TMEM132D: variants seen among roughly 807,000 people sequenced by gnomAD.
The protein encoded by TMEM132D is transmembrane protein 132D, also known as mature OL transmembrane protein.
TMEM132D carries 21 observed loss-of-function variants against 62.3 expected under a neutral mutation model. The ratio of observed to expected loss-of-function variants is 0.34; its 90% CI spans 0.24 to 0.49. The LOEUF (loss-of-function observed/expected upper bound fraction) is 0.49. TMEM132D is among the 20% of genes least tolerant of loss of function. The pLI is 0.99. For missense variants in TMEM132D, 1,346 were observed against 1,402.8 expected (o/e 0.96, Z 0.65); for synonymous variants, 621 against 575.6 (o/e 1.08, Z -1.13).
chr12:129,099,807 TTTTTTTTTA>T (rs906956106), intron 5 of TMEM132D, among the ~76,000 whole-genome samples: 1 of 80,224 alleles, frequency 1.2e-5, no homozygotes. Flanking sequence ...ACCCACTTTA[TTTTTTTTTA>T]TTTTTTTTAT....
intron 2 of TMEM132D, among the ~76,000 whole-genome samples, chr12:129,543,308 GGATA>G (rs577178143): frequency 5.1e-5 from 7 of 136,050 alleles, no homozygotes; most frequent in African/African-American, 2.4e-4. Context: ...GTGGGTGGAT[GGATA>G]GATGGATGGA....
At chr12:129,870,644 A>G (rs1874211782) in intron 1 of TMEM132D, among the ~76,000 whole-genome samples, 1 of 152,152 alleles carries the variant, frequency 6.6e-6, no homozygotes, top group Admixed American at 6.5e-5. Flanking sequence ...AGAAAACTGT[A>G]ATCAGAAGCA....
chr12:129,353,891 G>C (rs567989374), intron 3 of TMEM132D, among the ~76,000 whole-genome samples: 1 of 151,900 alleles, frequency 6.6e-6, no homozygotes, highest in Non-Finnish European at 1.5e-5. Context: ...GGCATCTCTC[G>C]GAGGTCTAAT....
chr12:129,292,604 C>G (rs1566023753), intron 4 of TMEM132D, among the ~76,000 whole-genome samples: 2 of 152,198 alleles, frequency 1.3e-5, no homozygotes, highest in African/African-American at 4.8e-5. Context: ...TCCTCCTATC[C>G]TGCCACCTAT....
intron 1 of TMEM132D, among the ~76,000 whole-genome samples, chr12:129,877,640 G>C (rs935013831): frequency 1.3e-5 from 2 of 151,648 alleles, no homozygotes; most frequent in Non-Finnish European, 2.9e-5. Flanking sequence ...GAGAGAGAGA[G>C]AGAGAGAGAG....
At chr12:129,773,336 G>T (rs1870817951) in intron 1 of TMEM132D, among the ~76,000 whole-genome samples, 1 of 152,182 alleles carries the variant, frequency 6.6e-6, no homozygotes, top group Admixed American at 6.5e-5. Flanking sequence ...CAGCTTAATT[G>T]TGGAGGCTGC....
rs572406925 is a variant in TMEM132D at position 129,147,250 on chromosome 12, G to GTA, written c.1443+62268_1443+62269dup. Reference sequence around the variant, plus strand: ...TGTATGTATATATACATATGTTTATGTATATATACATATGTGCATATGTAT... The same window carrying GTA: ...TGTATGTATATATACATATGTTTATGTATATATATACATATGTGCATATGTAT... On this transcript the variant is annotated intron_variant, in intron 5 of 8. Coordinates refer to ENST00000422113, the MANE Select transcript of TMEM132D (RefSeq NM_133448.3). Among the ~76,000 whole-genome samples the GTA allele has an allele frequency of 4.2e-3, 613 of 147,530 alleles. 5 individuals carry two copies. The highest frequency in any genetic ancestry group is 0.014 in the African/African-American group (574 of 40,406).
chr12:129,868,239 C>A (rs373861742), intron 1 of TMEM132D, among the ~76,000 whole-genome samples: 1 of 151,546 alleles, frequency 6.6e-6, no homozygotes, highest in Non-Finnish European at 1.5e-5. Context: ...CATGAGGCAG[C>A]GTTTCTAGGG....
At chr12:129,406,561 A>G (rs769774358) in intron 3 of TMEM132D, among the ~76,000 whole-genome samples, 144 of 151,826 alleles carry the variant, frequency 9.5e-4, no homozygotes, top group Non-Finnish European at 1.6e-3. Context: ...CGGAGGTTGC[A>G]GTGAGCCAAG....
At chr12:129,262,255 T>C (rs540391760) in intron 4 of TMEM132D, 1 of 152,366 alleles carries the variant, frequency 6.6e-6, no homozygotes, top group South Asian at 2.1e-4. Context: ...TTTGAAAATA[T>C]TAGTGCACAG....
At chr12:129,641,819 C>T (rs1047664382) in intron 2 of TMEM132D, among the ~76,000 whole-genome samples, 12 of 152,130 alleles carry the variant, frequency 7.9e-5, no homozygotes, top group Non-Finnish European at 1.8e-4. Context: ...TTGGAAGGTG[C>T]TTTTCCTTTC....
chr12:129,539,286 C>T (rs899327821), intron 2 of TMEM132D, among the ~76,000 whole-genome samples: 1 of 150,706 alleles, frequency 6.6e-6, no homozygotes, highest in Non-Finnish European at 1.5e-5. Context: ...GGCTGGAGTG[C>T]AGTGGCACGA....
At chr12:129,548,771 T>C (rs1237050581) in intron 2 of TMEM132D, among the ~76,000 whole-genome samples, 1 of 152,206 alleles carries the variant, frequency 6.6e-6, no homozygotes, top group African/African-American at 2.4e-5. Flanking sequence ...ATGGATGTGT[T>C]GGACTGGCCA....
intron 2 of TMEM132D, among the ~76,000 whole-genome samples, chr12:129,620,816 C>CT (rs1479250938): frequency 6.6e-6 from 1 of 151,994 alleles, no homozygotes; most frequent in Non-Finnish European, 1.5e-5. Context: ...CACTGGGGCC[C>CT]TCTTGGGGGA....
At chr12:129,601,954 CA>C (rs796102756) in intron 2 of TMEM132D, among the ~76,000 whole-genome samples, 65 of 148,588 alleles carry the variant, frequency 4.4e-4, no homozygotes, top group South Asian at 1.9e-3. Flanking sequence ...TTCAATTTAT[CA>C]AAAAAAAAAT....
In TMEM132D at chr12:129,486,181, T is replaced by C. The variant is rs151065945; in HGVS notation, c.1115+44878A>G. Reference sequence around the variant, plus strand: ...CTCCCAGGAGGAGACAGCCCTGAGCTGCTCCAGGAGGAGTGGAAGCTACAG... The same window carrying C: ...CTCCCAGGAGGAGACAGCCCTGAGCCGCTCCAGGAGGAGTGGAAGCTACAG... On this transcript the variant is annotated intron_variant, in intron 3 of 8. Transcript: ENST00000422113. Among the ~76,000 whole-genome samples the C allele has an allele frequency of 1.4e-3, 207 of 152,360 alleles. 3 individuals are homozygous for C. Among genetic ancestry groups the C allele is most frequent in the African/African-American group, 4.8e-3 (201 of 41,596 alleles).
chr12:129,154,890 A>G (rs1200308657), intron 5 of TMEM132D, among the ~76,000 whole-genome samples: 1 of 152,050 alleles, frequency 6.6e-6, no homozygotes, highest in Non-Finnish European at 1.5e-5. Flanking sequence ...ATTGCTGTTG[A>G]TTTCTCTGTG....
At chr12:129,703,741 C>T (rs1164759857) in intron 1 of TMEM132D, among the ~76,000 whole-genome samples, 1 of 152,122 alleles carries the variant, frequency 6.6e-6, no homozygotes, top group African/African-American at 2.4e-5. Flanking sequence ...GACATGTTCG[C>T]ATCTTGAAGC....
intron 1 of TMEM132D, among the ~76,000 whole-genome samples, chr12:129,758,956 G>C (rs1380418547): frequency 4.7e-5 from 7 of 147,962 alleles, no homozygotes; most frequent in Admixed American, 1.3e-4. Context: ...TTTTTTAGAT[G>C]GAGTTTCACT....
Sources: allele counts gnomAD v4.1 joint callset (sites outside exome capture counted in the v4.1 genomes callset), GRCh38; gene constraint gnomAD v4.1.1; transcripts MANE v1.5; gene names NCBI Gene and HGNC (gene_info 2026-07-23, HGNC 2026-07-21).